TMEM181: variants seen among roughly 807,000 people sequenced by gnomAD.
TMEM181 encodes the protein G protein-coupled receptor 178.
TMEM181 carries 39 observed loss-of-function variants against 71.9 expected under a neutral mutation model. That is an observed-to-expected ratio of 0.54 (90% CI 0.42 to 0.71). TMEM181 has a LOEUF of 0.71. TMEM181 is among the 30% of genes least tolerant of loss of function. TMEM181 has a pLI of 0.00. For missense variants in TMEM181, 595 were observed against 583.0 expected (o/e 1.02, Z -0.21); for synonymous variants, 245 against 228.8 (o/e 1.07, Z -0.64).
At chr6:158,550,385 C>T (rs921850510) in intron 1 of TMEM181, among the ~76,000 whole-genome samples, 17 of 151,120 alleles carry the variant, frequency 1.1e-4, no homozygotes, top group African/African-American at 3.4e-4. Context: ...CAGCCGGGCG[C>T]GGTGGCTCAT....
intron 1 of TMEM181, among the ~76,000 whole-genome samples, chr6:158,539,867 T>C (rs1251705514): frequency 6.6e-6 from 1 of 152,202 alleles, no homozygotes; most frequent in African/African-American, 2.4e-5. Context: ...TGCATTTCAC[T>C]GGACAATCCG....
At chr6:158,556,335 T>G (rs112236359), upstream of TMEM181, among the ~76,000 whole-genome samples, 294 of 152,324 alleles carry the variant, frequency 1.9e-3, 1 homozygote, top group African/African-American at 6.5e-3. Context: ...TTCCTTCCCG[T>G]AGTGATCCTT....
chr6:158,539,012 C>T (rs767363557), intron 1 of TMEM181, among the ~76,000 whole-genome samples: 40 of 152,334 alleles, frequency 2.6e-4, no homozygotes, highest in South Asian at 2.1e-3. Flanking sequence ...TTCACTGGGA[C>T]TGCAGTGTGA....
At chr6:158,627,409 G>C (rs897009604) in intron 13 of TMEM181, among the ~76,000 whole-genome samples, 1 of 152,268 alleles carries the variant, frequency 6.6e-6, no homozygotes, top group Non-Finnish European at 1.5e-5. Flanking sequence ...CACACAGAGA[G>C]AGACGAGTGG....
Position 158,583,996 on chromosome 6 carries a change from A to C in TMEM181, c.211A>C (p.Asn71His). The C allele has an allele frequency of 6.2e-7, 1 of 1,612,162 alleles. No homozygotes were observed. Among genetic ancestry groups the C allele is most frequent in the Middle Eastern group, 1.7e-4 (1 of 6,054 alleles). Residue 71 changes from asparagine (N) to histidine (H), a missense_variant, in exon 4 of 17, where the codon AAT (asparagine) becomes CAT (histidine). Physicochemically the swap from Asn to His is moderately conservative, Grantham distance 68. Coordinates refer to ENST00000684151, the MANE Select transcript of TMEM181 (RefSeq NM_001376852.1). ...QILSNPLSTY[N>H]QQLWLTCVVE... ...ACTTTCAAATCCACTGTCTACATAC[A>C]ATCAGCAACTATGGCTGACATGTGT...
intron 1 of TMEM181, among the ~76,000 whole-genome samples, chr6:158,538,875 GAGGCCATAAAAACAT>G: frequency 1.3e-5 from 2 of 152,204 alleles, no homozygotes; most frequent in Non-Finnish European, 2.9e-5. Flanking sequence ...CAAAGTCCCT[GAGGCCATAAAAACAT>G]GAAATGTTCA....
chr6:158,604,702 CT>C (rs1784850363), intron 6 of TMEM181, among the ~76,000 whole-genome samples: 1 of 152,168 alleles, frequency 6.6e-6, no homozygotes, highest in Admixed American at 6.5e-5. Context: ...TCTAGTTGCA[CT>C]TTTACATCTT....
At chr6:158,610,682 A>C in intron 10 of TMEM181, 1 of 281,848 alleles carries the variant, frequency 3.5e-6, no homozygotes, top group South Asian at 7.0e-5. Flanking sequence ...TGAGGCCTCC[A>C]CATCTCTGGA....
intron 1 of TMEM181, among the ~76,000 whole-genome samples, chr6:158,560,667 T>A (rs1782110617): frequency 6.6e-6 from 1 of 152,196 alleles, no homozygotes; most frequent in Admixed American, 6.5e-5. Context: ...CGCCCCGCGC[T>A]GCCCTGCGGT....
At chr6:158,562,456 G>A (rs1782241180) in intron 1 of TMEM181, among the ~76,000 whole-genome samples, 1 of 149,706 alleles carries the variant, frequency 6.7e-6, no homozygotes, top group Admixed American at 7.1e-5. Flanking sequence ...TTGTGTGTGT[G>A]TGTGTGTGTG....
At chr6:158,601,865 C>G (rs984796075) in intron 6 of TMEM181, among the ~76,000 whole-genome samples, 2 of 152,070 alleles carry the variant, frequency 1.3e-5, no homozygotes, top group African/African-American at 4.8e-5. Context: ...GAGATTAAGT[C>G]ATTTGCCCAA....
chr6:158,537,476 C>T (rs1431946578), intron 1 of TMEM181, among the ~76,000 whole-genome samples: 1 of 152,234 alleles, frequency 6.6e-6, no homozygotes, highest in African/African-American at 2.4e-5. Context: ...CTCTGTCTCC[C>T]TCTTCAGCGG....
At chr6:158,583,856 CT>C in intron 3 of TMEM181, 97 bp from the exon 4 acceptor site, 1 of 818,560 alleles carries the variant, frequency 1.2e-6, no homozygotes, top group African/African-American at 1.7e-5. Context: ...ACACTGAAGC[CT>C]TTATTGCTAA....
Position 158,632,297 on chromosome 6 carries a change from C to A in TMEM181, c.*409C>A. 4.6e-6 allele frequency: 1 copy of A among 215,788 alleles called. No homozygotes were observed. Among genetic ancestry groups the A allele is most frequent in the Non-Finnish European group, 9.6e-6 (1 of 104,198 alleles). 13.4% of individuals were successfully genotyped at this position (215,788 alleles called of 1,614,324 possible). On this transcript the variant is annotated 3_prime_UTR_variant, in exon 17 of 17. Transcript: ENST00000684151. ...GCATCACCCTCTTTCTTCCCTTTTCCATGGTACTGTTTTGTGACCCTTTAA... is the reference window on the plus strand; with the variant it reads ...GCATCACCCTCTTTCTTCCCTTTTCAATGGTACTGTTTTGTGACCCTTTAA...
chr6:158,560,460 C>A (rs1276319530), intron 1 of TMEM181, among the ~76,000 whole-genome samples: 1 of 152,190 alleles, frequency 6.6e-6, no homozygotes, highest in African/African-American at 2.4e-5. Context: ...CCCGCCCGGC[C>A]GCGGTTAGAG....
chr6:158,623,011 C>G (rs568438958), intron 10 of TMEM181, among the ~76,000 whole-genome samples: 1 of 152,308 alleles, frequency 6.6e-6, no homozygotes, highest in South Asian at 2.1e-4. Context: ...ATAGGACTTT[C>G]ACGGAGTAGC....
In TMEM181 at chr6:158,629,739, T is replaced by G. The variant is rs1172992106; in HGVS notation, c.1202T>G (p.Phe401Cys). The G allele has an allele frequency of 6.2e-7, 1 of 1,610,126 alleles. No individual in the cohort carries two copies. Residue 401 changes from phenylalanine (F) to cysteine (C), a missense_variant, in exon 15 of 17, where the codon TTC (phenylalanine) becomes TGC (cysteine). By Grantham distance (205) the Phe-to-Cys change is radical. Transcript: ENST00000684151. ...LSTHYQNSAE[F>C]LSFYGLLNFY... ...CCCTTGACAGCACCACCAGCCGAGT[T>G]CTTATCTTTCTATGGCCTGTTGAAC...
At position 158,607,730 on chromosome 6, in the gene TMEM181, C is replaced by T. The variant is rs1285922869; in HGVS notation, c.673+387C>T. On this transcript the variant is annotated intron_variant, in intron 8 of 16. Coordinates refer to ENST00000684151, the MANE Select transcript of TMEM181 (RefSeq NM_001376852.1). ...TGGAGATGGCCTAGGCCCAGAAGAG[C>T]CCGTAGGGAGCCCCAGAAGGAACAT... Among the ~76,000 whole-genome samples the T allele has an allele frequency of 2.0e-5, 3 of 152,194 alleles. No individual in the cohort carries two copies. The East Asian group carries it at 5.8e-4, about 29-fold the overall frequency.
chr6:158,576,771 G>C (rs1383458290), intron 2 of TMEM181, among the ~76,000 whole-genome samples: 1 of 152,072 alleles, frequency 6.6e-6, no homozygotes, highest in Non-Finnish European at 1.5e-5. Context: ...TAAACAAAAG[G>C]TCACAAGGCG....
Sources: allele counts gnomAD v4.1 joint callset (sites outside exome capture counted in the v4.1 genomes callset), GRCh38; gene constraint gnomAD v4.1.1; transcripts MANE v1.5; gene names NCBI Gene and HGNC (gene_info 2026-07-23, HGNC 2026-07-21).